The following GLI2 variants were observed in gnomAD, a reference collection of about 807,000 sequenced individuals.
GLI2 encodes GLI family zinc finger 2.
In GLI2, 22 loss-of-function variants were observed where a neutral mutation model predicts 78.9. The ratio of observed to expected loss-of-function variants is 0.28; its 90% CI spans 0.20 to 0.40. The LOEUF (loss-of-function observed/expected upper bound fraction) is 0.40. Ranked by LOEUF, GLI2 falls within the 10% of genes least tolerant of loss-of-function variation. The pLI is 1.00. For missense variants in GLI2, 2,097 were observed against 2,213.2 expected, an observed-to-expected ratio of 0.95 and a Z score of 1.05; for synonymous variants, 974 against 963.7, an observed-to-expected ratio of 1.01 and a Z score of -0.20.
At chr2:120,822,126 T>C (rs1472640153) in intron 2 of GLI2, among the ~76,000 whole-genome samples, 1 of 152,254 alleles carries the variant, frequency 6.6e-6, no homozygotes, top group African/African-American at 2.4e-5. Flanking sequence ...CTGTGAACTC[T>C]TGTGGCCTTG....
intron 1 of GLI2, among the ~76,000 whole-genome samples, chr2:120,765,159 C>T (rs1018764928): frequency 2.0e-5 from 3 of 152,162 alleles, no homozygotes; most frequent in African/African-American, 4.8e-5. Flanking sequence ...CTGCTGGTCC[C>T]ACTGTCTCTC....
intron 1 of GLI2, among the ~76,000 whole-genome samples, chr2:120,780,843 C>T (rs931972506): frequency 2.6e-5 from 4 of 152,180 alleles, no homozygotes; most frequent in Non-Finnish European, 5.9e-5. Flanking sequence ...TCTTTGGAGG[C>T]TTTCTGTCGT....
rs771381877 is a variant in GLI2, at chr2:120,988,981, G to A, written c.3016G>A (p.Ala1006Thr). The change falls in exon 14 of 14, where the codon GCC becomes ACC. Residue 1006 changes from alanine to threonine, a missense_variant. Ala to Thr is a moderately conservative substitution (Grantham distance 58). Transcript: ENST00000361492. The stretch of plus-strand genomic sequence containing the variant: ...CACCGACGGCGGCCTGGCCCGCGGC[G>A]CCTACTCGCCCCGGCCGCCTAGCAT... ...PSTDGGLARG[A>T]YSPRPPSISE... 4 of 1,572,140 alleles carry A rather than the reference G, an allele frequency of 2.5e-6. No individual in the cohort carries two copies. Among genetic ancestry groups the A allele is most frequent in the South Asian group, 1.1e-5 (1 of 88,136 alleles).
intron 2 of GLI2, among the ~76,000 whole-genome samples, chr2:120,811,032 T>TGAACC (rs1395989244): frequency 6.6e-6 from 1 of 152,238 alleles, no homozygotes; most frequent in Non-Finnish European, 1.5e-5. Context: ...TGCACCCTTG[T>TGAACC]GAACCATCCA....
intron 2 of GLI2, among the ~76,000 whole-genome samples, chr2:120,896,657 A>ACACC (rs1231759439): frequency 4.1e-5 from 2 of 49,326 alleles, no homozygotes; most frequent in African/African-American, 2.2e-4. Context: ...ACACACACAC[A>ACACC]CACATACACC....
chr2:120,889,447 T>C (rs1278649082), intron 2 of GLI2, among the ~76,000 whole-genome samples: 1 of 152,196 alleles, frequency 6.6e-6, no homozygotes, highest in Non-Finnish European at 1.5e-5. Context: ...TTAGACTTGA[T>C]ACCATAAGCA....
intron 2 of GLI2, among the ~76,000 whole-genome samples, chr2:120,854,737 C>A (rs559669992): frequency 6.6e-6 from 1 of 152,236 alleles, no homozygotes; most frequent in Non-Finnish European, 1.5e-5. Flanking sequence ...GCATGGGGTT[C>A]TTAAATTATC....
intron 3 of GLI2, among the ~76,000 whole-genome samples, chr2:120,930,968 C>G (rs1679919821): frequency 6.6e-6 from 1 of 152,220 alleles, no homozygotes; most frequent in African/African-American, 2.4e-5. Flanking sequence ...TGCTGGCATG[C>G]AGCAGGGAGG....
At chr2:120,770,414 G>A (rs1307854812) in intron 1 of GLI2, among the ~76,000 whole-genome samples, 5 of 152,212 alleles carry the variant, frequency 3.3e-5, no homozygotes, top group African/African-American at 1.2e-4. Flanking sequence ...GACCAGGAGT[G>A]CACTGAGGGT....
chr2:120,881,636 TGCAA>T (rs1677136215), intron 2 of GLI2, among the ~76,000 whole-genome samples: 1 of 55,424 alleles, frequency 1.8e-5, no homozygotes, highest in Non-Finnish European at 3.3e-5. Context: ...GGGAGGACAG[TGCAA>T]GGAGGGCAGT....
At chr2:120,931,579 G>A (rs998299475) in intron 3 of GLI2, among the ~76,000 whole-genome samples, 1 of 152,228 alleles carries the variant, frequency 6.6e-6, no homozygotes, top group African/African-American at 2.4e-5. Context: ...TCTGGCATCA[G>A]CCTGTAGAAT....
At chr2:120,780,556 C>A (rs1683813911) in intron 1 of GLI2, among the ~76,000 whole-genome samples, 1 of 152,218 alleles carries the variant, frequency 6.6e-6, no homozygotes, top group Admixed American at 6.5e-5. Flanking sequence ...AGGGAGTTTC[C>A]AGCAGGCAGA....
In GLI2 at chr2:120,968,831, A is replaced by G. The variant is rs755062619; in HGVS notation, c.761A>G (p.Asn254Ser). 1.9e-6 allele frequency: 3 copies of G among 1,613,438 alleles called. No homozygotes were observed. The highest frequency in any genetic ancestry group is 2.2e-5 in the East Asian group (1 of 44,852). Reference protein sequence around the residue: ...DLQRMIRTSPNSLVAYINNSR... With the variant: ...DLQRMIRTSPSSLVAYINNSR... The stretch of plus-strand genomic sequence containing the variant: ...CAGCGGATGATCCGCACCTCACCCA[A>G]CTCGCTAGTGGCCTACATCAACAAC... The change falls in exon 6 of 14, where the codon AAC becomes AGC. Residue 254 changes from asparagine to serine, a missense_variant. Asn to Ser is a conservative substitution (Grantham distance 46, BLOSUM62 1). Coordinates refer to ENST00000361492, the MANE Select transcript of GLI2 (RefSeq NM_001374353.1).
chr2:120,792,435 CA>C (rs1684191086), intron 1 of GLI2: 1 of 152,222 alleles, frequency 6.6e-6, no homozygotes, highest in African/African-American at 2.4e-5. Context: ...CATCAAAGAG[CA>C]AGGTCAGCCG....
intron 1 of GLI2, among the ~76,000 whole-genome samples, chr2:120,766,075 C>T (rs1248387421): frequency 6.6e-6 from 1 of 152,160 alleles, no homozygotes; most frequent in African/African-American, 2.4e-5. Flanking sequence ...GTGGCTGGAT[C>T]GTGTTTCCTT....
intron 2 of GLI2, among the ~76,000 whole-genome samples, chr2:120,903,520 G>A (rs183004068): frequency 7.8e-4 from 119 of 152,306 alleles, no homozygotes; most frequent in African/African-American, 2.4e-3. Context: ...CTGTCCCCAG[G>A]ACCCTCAGCC....
At position 120,988,555 on chromosome 2, in the gene GLI2, C is replaced by A; in HGVS notation, c.2590C>A (p.Leu864Ile). 6.7e-7 allele frequency: 1 copy of A among 1,501,014 alleles called. No homozygotes were observed. Among genetic ancestry groups the A allele is most frequent in the East Asian group, 2.7e-5 (1 of 36,406 alleles). 93.0% of individuals were successfully genotyped at this position (1,501,014 alleles called of 1,614,324 possible). A position where few individuals can be genotyped will look rare whatever the true frequency, so the allele number is the denominator to read the frequency against. ...CAGCGGCGGCTCCGGGCTGCTCAAC[C>A]TCACGCCGGCGCAGCAGTACAGCCT... ...QCSGGSGLLN[L>I]TPAQQYSLRA... The change falls in exon 14 of 14, where the codon CTC (leucine) becomes ATC (isoleucine). Residue 864 changes from leucine (L) to isoleucine (I), a missense_variant. Around this residue, in one of 5 missense-constraint regions of GLI2, gnomAD observed 1,290 missense variants for 1,261.7 expected, o/e 1.02. Transcript: ENST00000361492.
chr2:120,754,798 C>T (rs1472390407), intron 1 of GLI2, among the ~76,000 whole-genome samples: 1 of 151,532 alleles, frequency 6.6e-6, no homozygotes, highest in African/African-American at 2.4e-5. Context: ...AGTAGAATGC[C>T]TGGATCATAG....
chr2:120,884,293 C>CG (rs112490760), intron 2 of GLI2, among the ~76,000 whole-genome samples: 26 of 152,292 alleles, frequency 1.7e-4, no homozygotes, highest in African/African-American at 6.3e-4. Context: ...CGCCCATGTG[C>CG]GGGCCAAGGG....
Sources: gnomAD v4.1 joint callset for allele counts (sites outside exome capture counted in the v4.1 genomes callset) on GRCh38, gnomAD v4.1.1 for gene constraint, gnomAD v4.1.1 regional missense constraint, MANE v1.5 for transcripts, NCBI Gene and HGNC (gene_info 2026-07-23, HGNC 2026-07-21) for gene names.